Variants in LGSN observed in about 807,000 individuals in gnomAD.
LGSN encodes lengsin, lens protein with glutamine synthetase domain, also known as lengsin.
LGSN carries 21 observed loss-of-function variants against 19.5 expected under a neutral mutation model. The ratio of observed to expected loss-of-function variants is 1.07; its 90% CI spans 0.76 to 1.55. The LOEUF (loss-of-function observed/expected upper bound fraction) is 1.55. LGSN is among the 40% of genes most tolerant of loss of function. The pLI is 0.00. For synonymous variants in LGSN, 257 were observed against 215.6 expected, an observed-to-expected ratio of 1.19 and a Z score of -1.68; for missense variants, 673 against 608.5, an observed-to-expected ratio of 1.11 and a Z score of -1.12.
chr6:63,412,443 CAAGA>C, the LGSN span, among the ~76,000 whole-genome samples: 280 of 75,356 alleles, frequency 3.7e-3, 2 homozygotes, highest in Non-Finnish European at 6.2e-3. Flanking sequence ...AGAAAGAAAG[CAAGA>C]AAGAAAGAAA....
chr6:63,412,668 G>GAAAGAAAGAAAGA, the LGSN span, among the ~76,000 whole-genome samples: 40 of 111,476 alleles, frequency 3.6e-4, 7 homozygotes, highest in Middle Eastern at 5.6e-3. Flanking sequence ...AGGAAAGGAA[G>GAAAGAAAGAAAGA]GAAAGGAAGA....
the LGSN span, among the ~76,000 whole-genome samples, chr6:63,416,842 G>T: frequency 6.6e-6 from 1 of 151,658 alleles, no homozygotes; most frequent in African/African-American, 2.4e-5. Flanking sequence ...TGCTGGGATT[G>T]CAGGCATGAG....
At chr6:63,505,565 A>AAAAGAAAG in the LGSN span, among the ~76,000 whole-genome samples, 2,729 of 58,528 alleles carry the variant, frequency 0.047, 222 homozygotes, top group Middle Eastern at 0.052. Flanking sequence ...AAAAAAAAAA[A>AAAAGAAAG]AAAGAAAGAA....
At chr6:63,436,194 T>G in the LGSN span, among the ~76,000 whole-genome samples, 2 of 152,210 alleles carry the variant, frequency 1.3e-5, no homozygotes, top group Admixed American at 6.5e-5. Flanking sequence ...TCTTCAGAAC[T>G]TTTATTAGCA....
At chr6:63,319,407 T>C (rs1049404511) in intron 1 of LGSN, among the ~76,000 whole-genome samples, 2 of 152,154 alleles carry the variant, frequency 1.3e-5, no homozygotes, top group African/African-American at 4.8e-5. Context: ...CATTAAGAAG[T>C]GAGGAGAAAT....
At chr6:63,477,687 C>CTTTTTTTTTTTTTTTTTTTTTT in the LGSN span, among the ~76,000 whole-genome samples, 44 of 61,052 alleles carry the variant, frequency 7.2e-4, 4 homozygotes, top group African/African-American at 1.2e-3. Context: ...TTCTTTTTTT[C>CTTTTTTTTTTTTTTTTTTTTTT]TTTTTTTTTT....
the LGSN span, among the ~76,000 whole-genome samples, chr6:63,560,360 A>C: frequency 2.0e-5 from 3 of 150,900 alleles, no homozygotes; most frequent in Non-Finnish European, 4.4e-5. Flanking sequence ...AAAAAAAAGA[A>C]AGAAAGAAAA....
chr6:63,500,739 C>A, the LGSN span, among the ~76,000 whole-genome samples: 1 of 141,004 alleles, frequency 7.1e-6, no homozygotes, highest in African/African-American at 2.6e-5. Context: ...TTTTTTTTTT[C>A]TTTTTTGAGA....
chr6:63,366,204 T>C, the LGSN span, among the ~76,000 whole-genome samples: 19,832 of 152,026 alleles, frequency 0.13, 2,858 homozygotes, highest in African/African-American at 0.36. Flanking sequence ...CGTCTCAGCC[T>C]AAAATCTCCT....
the LGSN span, among the ~76,000 whole-genome samples, chr6:63,414,918 A>T: frequency 0.085 from 12,871 of 151,882 alleles, 999 homozygotes; most frequent in African/African-American, 0.21. Flanking sequence ...CCCTTTAAAA[A>T]AAATTAAATT....
chr6:63,276,146 T>C lies in LGSN; in HGVS notation c.*3875A>G, dbSNP rs953926974. The stretch of plus-strand genomic sequence containing the variant: ...CAAGGTTAAAGGTATTGTCCAGTCA[T>C]ACCTATATCATAAACATATTGGTGA... On this transcript the variant is annotated 3_prime_UTR_variant, in exon 4 of 4. Transcript: ENST00000370657. The C allele has an allele frequency of 6.6e-6, 1 of 152,236 alleles. No individual in the cohort carries two copies. The highest frequency in any genetic ancestry group is 1.5e-5 in the Non-Finnish European group (1 of 68,034). 9.4% of individuals were successfully genotyped at this position (152,236 alleles called of 1,614,324 possible). A position where few individuals can be genotyped will look rare whatever the true frequency, so the allele number is the denominator to read the frequency against.
the LGSN span, among the ~76,000 whole-genome samples, chr6:63,335,903 A>G: frequency 1.3e-5 from 2 of 152,258 alleles, no homozygotes. Flanking sequence ...ACAATAGAAG[A>G]TATGAAGTCA....
chr6:63,409,511 TA>T, the LGSN span, among the ~76,000 whole-genome samples: 3 of 152,216 alleles, frequency 2.0e-5, no homozygotes, highest in Non-Finnish European at 4.4e-5. Flanking sequence ...TTCTAACCAT[TA>T]TGGTAGTCCT....
the LGSN span, among the ~76,000 whole-genome samples, chr6:63,468,281 C>T: frequency 2.0e-5 from 3 of 152,008 alleles, no homozygotes; most frequent in African/African-American, 7.2e-5. Context: ...GCCCCCACCA[C>T]CACACCCAGC....
At chr6:63,429,941 A>C in the LGSN span, among the ~76,000 whole-genome samples, 21 of 152,112 alleles carry the variant, frequency 1.4e-4, no homozygotes, top group African/African-American at 5.1e-4. Flanking sequence ...GAAGGAAAGG[A>C]GGAATAAAGG....
the LGSN span, among the ~76,000 whole-genome samples, chr6:63,362,541 G>A: frequency 1.3e-5 from 2 of 152,196 alleles, no homozygotes; most frequent in Non-Finnish European, 2.9e-5. Context: ...GGCACACCAG[G>A]AGATTATATC....
the LGSN span, among the ~76,000 whole-genome samples, chr6:63,391,420 G>T: frequency 4.7e-3 from 716 of 152,314 alleles, 9 homozygotes; most frequent in Non-Finnish European, 5.2e-3. Context: ...CATCTGCAAA[G>T]ATCCATGCAT....
the LGSN span, among the ~76,000 whole-genome samples, chr6:63,373,026 T>G: frequency 6.6e-6 from 1 of 152,216 alleles, no homozygotes; most frequent in East Asian, 1.9e-4. Flanking sequence ...TCTGTTACAT[T>G]AACTGCACTG....
the LGSN span, among the ~76,000 whole-genome samples, chr6:63,486,432 G>C: frequency 6.6e-6 from 1 of 152,250 alleles, no homozygotes. Flanking sequence ...AGTCAGTAGG[G>C]AGACAATGAG....
Sources: allele counts gnomAD v4.1 joint callset (sites outside exome capture counted in the v4.1 genomes callset), GRCh38; gene constraint gnomAD v4.1.1; transcripts MANE v1.5; gene names NCBI Gene and HGNC (gene_info 2026-07-23, HGNC 2026-07-21).